P2RY8: variants seen among roughly 807,000 people sequenced by gnomAD.
The protein encoded by P2RY8 is P2Y receptor family member 8.
A neutral mutation model predicts 10.0 loss-of-function variants in P2RY8; 6 were observed. The ratio of observed to expected loss-of-function variants is 0.60; its 90% CI spans 0.33 to 1.19. P2RY8 has a LOEUF of 1.19. Ranked by LOEUF, P2RY8 falls within the 50% of genes most tolerant of loss-of-function variation. P2RY8 has a pLI of 0.04. For missense variants in P2RY8, 456 were observed against 542.0 expected (o/e 0.84, Z 1.58); for synonymous variants, 276 against 252.5 (o/e 1.09, Z -0.88).
At chrX:1,497,457 A>G (rs1384546111) in intron 1 of P2RY8, among the ~76,000 whole-genome samples, 1 of 151,616 alleles carries the variant, frequency 6.6e-6, no homozygotes, top group African/African-American at 2.4e-5. Flanking sequence ...TGGGAGTTTG[A>G]GACCAGCCTG....
chrX:1,499,168 T>G (rs868343509), intron 1 of P2RY8, among the ~76,000 whole-genome samples: 1 of 140,992 alleles, frequency 7.1e-6, no homozygotes, highest in Non-Finnish European at 1.5e-5. Context: ...CTTTTCTTTT[T>G]TTTTTTTTTT....
chrX:1,487,895 G>A (rs1233509373), intron 1 of P2RY8, among the ~76,000 whole-genome samples: 2 of 152,122 alleles, frequency 1.3e-5, no homozygotes, highest in East Asian at 3.9e-4. Context: ...TGGATCACGA[G>A]GTCAGGAGAT....
At chrX:1,508,670 TTATC>T (rs1254245835) in intron 1 of P2RY8, among the ~76,000 whole-genome samples, 1 of 124,070 alleles carries the variant, frequency 8.1e-6, no homozygotes, top group Non-Finnish European at 1.9e-5. Flanking sequence ...CTGTATGTAT[TTATC>T]TATCCATCAT....
intron 1 of P2RY8, among the ~76,000 whole-genome samples, chrX:1,487,401 G>A (rs2091996518): frequency 1.3e-5 from 2 of 148,816 alleles, no homozygotes; most frequent in Admixed American, 1.4e-4. Flanking sequence ...CTAGGAAGAC[G>A]CGCTTATCAT....
At chrX:1,532,227 CTG>C (rs1475780353) in intron 1 of P2RY8, among the ~76,000 whole-genome samples, 16 of 151,782 alleles carry the variant, frequency 1.1e-4, no homozygotes, top group Non-Finnish European at 2.1e-4. Flanking sequence ...GATAAAGAAA[CTG>C]TGGTGTATTT....
chrX:1,466,061 C>T lies in P2RY8; in HGVS notation c.498G>A (p.Pro166=), dbSNP rs370702297. 6.2e-7 allele frequency: 1 copy of T among 1,611,742 alleles called. No individual in the cohort carries two copies. The highest frequency in any genetic ancestry group is 8.5e-7 in the Non-Finnish European group (1 of 1,179,742). The part of the protein sequence containing the change: ...SPLARTDLTY[P]VHALGIITCF... Reference sequence around the variant, plus strand: ...AGGTGATGATGCCCAGGGCGTGCACCGGGTAGGTGAGATCGGTGCGCGCCA... The same window carrying T: ...AGGTGATGATGCCCAGGGCGTGCACTGGGTAGGTGAGATCGGTGCGCGCCA... The change falls in exon 2 of 2, where the codon CCG becomes CCA. Residue 166 remains proline, a synonymous_variant. Transcript: ENST00000381297.
At chrX:1,472,342 G>C (rs2091798218) in intron 1 of P2RY8, among the ~76,000 whole-genome samples, 2 of 151,562 alleles carry the variant, frequency 1.3e-5, no homozygotes, top group African/African-American at 2.4e-5. Flanking sequence ...GAGAGTGGAT[G>C]GATGGGTAGA....
chrX:1,488,529 C>T (rs1283058814), intron 1 of P2RY8, among the ~76,000 whole-genome samples: 1 of 152,170 alleles, frequency 6.6e-6, no homozygotes, highest in Admixed American at 6.5e-5. Context: ...TTGAGTGACA[C>T]CTTCAACCCT....
chrX:1,517,001 G>C, intron 1 of P2RY8, among the ~76,000 whole-genome samples: 1 of 152,066 alleles, frequency 6.6e-6, no homozygotes, highest in East Asian at 1.9e-4. Context: ...AAGAAGAGGA[G>C]ATGAGGACAC....
Position 1,465,647 on chromosome X carries a change from C to G in P2RY8, c.912G>C (p.Leu304=), listed in dbSNP as rs2091658754. ...CCCGGCGGCAGCCCAAATATTCCCG[C>G]AGGCGCAGCTGGAATTCCCGGGACG... ...YFASREFQLR[L]REYLGCRRVP... is the part of the protein sequence containing the mutation. The change falls in exon 2 of 2, where the codon CTG becomes CTC. Residue 304 remains leucine (L), a synonymous_variant. Transcript: ENST00000381297. The G allele has an allele frequency of 6.2e-7, 1 of 1,613,382 alleles. No individual in the cohort carries two copies. Among genetic ancestry groups the G allele is most frequent in the Non-Finnish European group, 8.5e-7 (1 of 1,179,842 alleles).
chrX:1,477,897 C>T (rs35752393), intron 1 of P2RY8, among the ~76,000 whole-genome samples: 21,422 of 152,066 alleles, frequency 0.14, 1,933 homozygotes, highest in Non-Finnish European at 0.2. Flanking sequence ...AAGCTGGTGT[C>T]GTGGAAAGGG....
intron 1 of P2RY8, among the ~76,000 whole-genome samples, chrX:1,528,853 T>C (rs2092456402): frequency 6.6e-6 from 1 of 152,198 alleles, no homozygotes; most frequent in Non-Finnish European, 1.5e-5. Context: ...TGAGTCTCTT[T>C]GAATGAGTGT....
chrX:1,514,693 T>C (rs1212828669), intron 1 of P2RY8, among the ~76,000 whole-genome samples: 1 of 580 alleles, frequency 1.7e-3, no homozygotes. Context: ...TCCCTTCCCT[T>C]CCTTCCCTTC....
chrX:1,474,940 A>G (rs1324175894), intron 1 of P2RY8, among the ~76,000 whole-genome samples: 1 of 138,326 alleles, frequency 7.2e-6, no homozygotes, highest in African/African-American at 2.8e-5. Context: ...ATCAGTGTTT[A>G]GGTGGTTGGA....
At chrX:1,487,094 T>C (rs1425442403) in intron 1 of P2RY8, among the ~76,000 whole-genome samples, 1 of 152,236 alleles carries the variant, frequency 6.6e-6, no homozygotes, top group African/African-American at 2.4e-5. Flanking sequence ...GTGGTCACTA[T>C]GGCTGATTTG....
Position 1,493,274 on chromosome X carries a change from C to T in P2RY8, c.-24-26692G>A, listed in dbSNP as rs1243011440. Among the ~76,000 whole-genome samples, 10 of 138,722 alleles carry T rather than the reference C, an allele frequency of 7.2e-5. 1 individual carries two copies. Among genetic ancestry groups the T allele is most frequent in the Middle Eastern group, 7.5e-3 (2 of 268 alleles). The allele number at this position is 138,722 out of a possible 152,430, so 91.0% of individuals were successfully genotyped here. A position where few individuals can be genotyped will look rare whatever the true frequency, so the allele number is the denominator to read the frequency against. On this transcript the variant is annotated intron_variant, in intron 1 of 1. Transcript: ENST00000381297. The stretch of plus-strand genomic sequence containing the variant: ...CTGCACTCCAGCCTGGGCAACAGTG[C>T]GAGACAAGAAAGGAAAGAAAGGAGA...
intron 1 of P2RY8, among the ~76,000 whole-genome samples, chrX:1,470,878 C>G (rs2091776097): frequency 6.7e-6 from 1 of 150,230 alleles, no homozygotes; most frequent in African/African-American, 2.5e-5. Context: ...GCTCTGTTGC[C>G]CAGGCTGGAG....
At chrX:1,522,202 G>A (rs1488726306) in intron 1 of P2RY8, among the ~76,000 whole-genome samples, 2 of 151,160 alleles carry the variant, frequency 1.3e-5, no homozygotes, top group African/African-American at 2.4e-5. Flanking sequence ...TGATCCACCC[G>A]CCTCAACCTC....
chrX:1,517,508 G>A (rs1193855409), intron 1 of P2RY8, among the ~76,000 whole-genome samples: 1 of 152,172 alleles, frequency 6.6e-6, no homozygotes, highest in Non-Finnish European at 1.5e-5. Context: ...CCACCCTCCA[G>A]AGTCTCAGGA....
Sources: allele counts gnomAD v4.1 joint callset (sites outside exome capture counted in the v4.1 genomes callset), GRCh38; gene constraint gnomAD v4.1.1; transcripts MANE v1.5; gene names NCBI Gene and HGNC (gene_info 2026-07-23, HGNC 2026-07-21).